The following FAM83F variants were observed in gnomAD, a reference collection of about 807,000 sequenced individuals.
FAM83F encodes scaffolding CK1 anchoring protein F.
A neutral mutation model predicts 42.9 loss-of-function variants in FAM83F; 45 were observed. That is an observed-to-expected ratio of 1.05 (90% CI 0.83 to 1.35). The LOEUF is 1.35. Among genes scored for constraint, FAM83F ranks in the 40% most tolerant of loss-of-function variants. The pLI, the probability that FAM83F is intolerant of heterozygous loss-of-function variation, is 0.00. For missense variants in FAM83F, 617 were observed against 695.9 expected, an observed-to-expected ratio of 0.89 and a Z score of 1.28; for synonymous variants, 306 against 298.3, an observed-to-expected ratio of 1.03 and a Z score of -0.27.
At chr22:40,002,322 G>T (rs1733273854) in intron 1 of FAM83F, among the ~76,000 whole-genome samples, 1 of 152,184 alleles carries the variant, frequency 6.6e-6, no homozygotes, top group Admixed American at 6.5e-5. Flanking sequence ...GCTGCTGATG[G>T]TTAACCCTGA....
At chr22:40,017,930 C>T (rs556081132) in intron 1 of FAM83F, among the ~76,000 whole-genome samples, 1 of 152,150 alleles carries the variant, frequency 6.6e-6, no homozygotes, top group Non-Finnish European at 1.5e-5. Flanking sequence ...AAAATCTCTC[C>T]GACCCCAGAG....
At chr22:40,026,336 C>G (rs566051347) in intron 4 of FAM83F, among the ~76,000 whole-genome samples, 1 of 152,132 alleles carries the variant, frequency 6.6e-6, no homozygotes, top group East Asian at 1.9e-4. Flanking sequence ...CTGGCTAACA[C>G]GGTGAAATCC....
In FAM83F at chr22:40,038,995, C is replaced by T. The variant is rs1011938532; in HGVS notation, c.*9430C>T. The stretch of plus-strand genomic sequence containing the variant: ...ACTATGAGGACTGAATAAGCTCATA[C>T]ATATACAATGCTTGGAGCAGAGGCT... On this transcript the variant is annotated 3_prime_UTR_variant, in exon 5 of 5. Transcript: ENST00000333407. 20 of 152,238 alleles carry T rather than the reference C, an allele frequency of 1.3e-4. No homozygotes were observed. The highest frequency in any genetic ancestry group is 4.8e-4 in the African/African-American group (20 of 41,452). The allele number at this position is 152,238 out of a possible 1,614,324, so 9.4% of individuals were successfully genotyped here. A position where few individuals can be genotyped will look rare whatever the true frequency, so the allele number is the denominator to read the frequency against.
At position 40,019,333 on chromosome 22, in the gene FAM83F, C is replaced by T. The variant is rs371031687; in HGVS notation, c.655C>T (p.Arg219Trp). ...QDLQLTDFRI[R>W]NIRVRSVTGV... Reference sequence around the variant, plus strand: ...CCTGCAGCTCACTGACTTCCGGATTCGGGTAAGTTGCACCACTGGGGTGGA... The same window carrying T: ...CCTGCAGCTCACTGACTTCCGGATTTGGGTAAGTTGCACCACTGGGGTGGA... The change falls in exon 2 of 5, where the codon CGG becomes TGG. Residue 219 changes from arginine to tryptophan, a missense_variant and splice_region_variant. Coordinates refer to ENST00000333407, the MANE Select transcript of FAM83F (RefSeq NM_138435.4). 1.7e-5 allele frequency: 27 copies of T among 1,613,276 alleles called. No homozygotes were observed. The highest frequency in any genetic ancestry group is 8.0e-5 in the African/African-American group (6 of 74,890).
intron 1 of FAM83F, among the ~76,000 whole-genome samples, chr22:40,004,028 A>G (rs960683860): frequency 6.6e-6 from 1 of 152,062 alleles, no homozygotes; most frequent in African/African-American, 2.4e-5. Context: ...CCCGCCTGGG[A>G]GGGCTCCCAG....
At chr22:40,017,168 C>T (rs1316211185) in intron 1 of FAM83F, among the ~76,000 whole-genome samples, 3 of 151,958 alleles carry the variant, frequency 2.0e-5, no homozygotes, top group African/African-American at 7.3e-5. Context: ...GTGGTGACAC[C>T]CCCGTGACGG....
At chr22:40,002,565 G>A (rs1352223139) in intron 1 of FAM83F, among the ~76,000 whole-genome samples, 2 of 152,186 alleles carry the variant, frequency 1.3e-5, no homozygotes, top group Non-Finnish European at 2.9e-5. Context: ...CCACTGGCGG[G>A]TGGAGGGATC....
At position 40,032,556 on chromosome 22, in the gene FAM83F, A is replaced by ATTTCTTTTTTTTT. The variant is rs978889081; in HGVS notation, c.*3006_*3018dup. On this transcript the variant is annotated 3_prime_UTR_variant, in exon 5 of 5. Transcript: ENST00000333407. Reference sequence around the variant, plus strand: ...CTGGCCAAAGAGGGGAAAGTGGGCTATTTCTTTTTTTTTTTTCTTTTTTTT... The same window carrying ATTTCTTTTTTTTT: ...CTGGCCAAAGAGGGGAAAGTGGGCTATTTCTTTTTTTTTTTTCTTTTTTTTTTTTCTTTTTTTT... 1 of 149,712 alleles carries ATTTCTTTTTTTTT rather than the reference A, an allele frequency of 6.7e-6. No homozygotes were observed. The highest frequency in any genetic ancestry group is 2.5e-5 in the African/African-American group (1 of 40,558). 9.3% of individuals were successfully genotyped at this position (149,712 alleles called of 1,614,324 possible).
intron 3 of FAM83F, among the ~76,000 whole-genome samples, chr22:40,020,702 A>G (rs1377660970): frequency 6.6e-6 from 1 of 152,152 alleles, no homozygotes; most frequent in Non-Finnish European, 1.5e-5. Context: ...GAGAGACTGT[A>G]TCTGTGTAAT....
At chr22:40,027,722 G>A (rs958918873) in intron 4 of FAM83F, among the ~76,000 whole-genome samples, 3 of 152,210 alleles carry the variant, frequency 2.0e-5, no homozygotes, top group African/African-American at 7.2e-5. Flanking sequence ...CTGTCTCCAG[G>A]CTTTCACCCT....
At chr22:40,011,715 G>GT (rs1168042177) in intron 1 of FAM83F, among the ~76,000 whole-genome samples, 1 of 152,220 alleles carries the variant, frequency 6.6e-6, no homozygotes, top group Non-Finnish European at 1.5e-5. Context: ...TCTGTCTGCT[G>GT]TAAAACATTC....
At chr22:40,003,453 C>T (rs1381549646) in intron 1 of FAM83F, among the ~76,000 whole-genome samples, 1 of 152,094 alleles carries the variant, frequency 6.6e-6, no homozygotes, top group East Asian at 1.9e-4. Context: ...TATTTGGGGA[C>T]AAGCTTCCAA....
rs4821924 is a variant in FAM83F, at chr22:40,018,317, A to G, written c.490-851A>G. Among the ~76,000 whole-genome samples, 1,025 of 152,334 alleles carry G rather than the reference A, an allele frequency of 6.7e-3. 11 individuals are homozygous for G. Among genetic ancestry groups the G allele is most frequent in the Admixed American group, 0.012 (184 of 15,290 alleles). On this transcript the variant is annotated intron_variant, in intron 1 of 4. Coordinates refer to ENST00000333407, the MANE Select transcript of FAM83F (RefSeq NM_138435.4). ...TGATGTTTGAGCAGATGTGTGGCTC[A>G]CGGAGATGAGCCCACCCCTGGCATC...
At position 40,013,082 on chromosome 22, in the gene FAM83F, C is replaced by CAAAAAAAA. The variant is rs754625979; in HGVS notation, c.490-6068_490-6061dup. Among the ~76,000 whole-genome samples the CAAAAAAAA allele has an allele frequency of 4.5e-4, 21 of 46,406 alleles. 1 individual carries two copies. Among genetic ancestry groups the CAAAAAAAA allele is most frequent in the South Asian group, 4.4e-3 (4 of 904 alleles). The allele number at this position is 46,406 out of a possible 152,430, so 30.4% of individuals were successfully genotyped here. A position where few individuals can be genotyped will look rare whatever the true frequency, so the allele number is the denominator to read the frequency against. On this transcript the variant is annotated intron_variant, in intron 1 of 4. Coordinates refer to ENST00000333407, the MANE Select transcript of FAM83F (RefSeq NM_138435.4). ...TGGGCGACAGAGCGAGACTCCGTTT[C>CAAAAAAAA]AAAAAAAAAAAAAAAAAAAAAAAAA...
At chr22:40,022,543 C>T (rs1272150391) in intron 4 of FAM83F, among the ~76,000 whole-genome samples, 1 of 152,162 alleles carries the variant, frequency 6.6e-6, no homozygotes, top group Non-Finnish European at 1.5e-5. Flanking sequence ...GACTTGGTTT[C>T]TCCACGTCCC....
rs2067628468 is a variant in FAM83F, at chr22:40,036,988, C to T, written c.*7423C>T. On this transcript the variant is annotated 3_prime_UTR_variant, in exon 5 of 5. Coordinates refer to ENST00000333407, the MANE Select transcript of FAM83F (RefSeq NM_138435.4). ...CACCCCTAGACAGTACAGAAACAAG[C>T]AGGTGTGGCCATGTTCCAGTGAAAC... 6.6e-6 allele frequency: 1 copy of T among 152,226 alleles called. No homozygotes were observed. Among genetic ancestry groups the T allele is most frequent in the South Asian group, 2.1e-4 (1 of 4,830 alleles). 9.4% of individuals were successfully genotyped at this position (152,226 alleles called of 1,614,324 possible). A position where few individuals can be genotyped will look rare whatever the true frequency, so the allele number is the denominator to read the frequency against.
chr22:40,027,544 T>C (rs12166452), intron 4 of FAM83F, among the ~76,000 whole-genome samples: 2,439 of 152,264 alleles, frequency 0.016, 70 homozygotes, highest in African/African-American at 0.056. Context: ...ACTATTCTGG[T>C]CATTTATACA....
intron 1 of FAM83F, among the ~76,000 whole-genome samples, chr22:40,013,903 T>A (rs962777540): frequency 6.6e-6 from 1 of 152,028 alleles, no homozygotes; most frequent in Admixed American, 6.5e-5. Flanking sequence ...TTTTCTTTCT[T>A]TCATTCCTTC....
chr22:40,009,056 T>G lies in FAM83F; in HGVS notation c.490-10112T>G, dbSNP rs534114119. On this transcript the variant is annotated intron_variant, in intron 1 of 4. Coordinates refer to ENST00000333407, the MANE Select transcript of FAM83F (RefSeq NM_138435.4). ...ATGTGGGGAGTTCCCCCCATTTGCC[T>G]TATAACGATCCCTCATAACTGCACA... Among the ~76,000 whole-genome samples, 366 of 152,264 alleles carry G rather than the reference T, an allele frequency of 2.4e-3. 1 individual carries two copies. The highest frequency in any genetic ancestry group is 7.2e-3 in the African/African-American group (301 of 41,568).
Sources: gnomAD v4.1 joint callset for allele counts (sites outside exome capture counted in the v4.1 genomes callset) on GRCh38, gnomAD v4.1.1 for gene constraint, MANE v1.5 for transcripts, NCBI Gene and HGNC (gene_info 2026-07-23, HGNC 2026-07-21) for gene names.